CRB1: variants seen among roughly 807,000 people sequenced by gnomAD.
CRB1 encodes crumbs cell polarity complex component 1, also known as protein crumbs homolog 1.
CRB1 carries 83 observed loss-of-function variants against 120.0 expected under a neutral mutation model. That is an observed-to-expected ratio of 0.69 (90% CI 0.58 to 0.83). The LOEUF is 0.83. Among genes scored for constraint, CRB1 ranks in the 40% least tolerant of loss-of-function variants. The pLI is 0.00. For synonymous variants in CRB1, 625 were observed against 612.5 expected, an observed-to-expected ratio of 1.02 and a Z score of -0.30; for missense variants, 1,699 against 1,687.6, an observed-to-expected ratio of 1.01 and a Z score of -0.12.
At chr1:197,418,897 T>C (rs1462296630) in intron 5 of CRB1, among the ~76,000 whole-genome samples, 1 of 152,160 alleles carries the variant, frequency 6.6e-6, no homozygotes, top group African/African-American at 2.4e-5. Context: ...TCATATAAAA[T>C]TACGCAATTT....
intron 1 of CRB1, among the ~76,000 whole-genome samples, chr1:197,268,820 T>A (rs1654746437): frequency 6.6e-6 from 1 of 152,184 alleles, no homozygotes; most frequent in African/African-American, 2.4e-5. Context: ...CCTTACTAAT[T>A]GATATCCTTT....
the CRB1 span, among the ~76,000 whole-genome samples, chr1:197,238,705 A>G: frequency 7.9e-5 from 12 of 152,026 alleles, no homozygotes; most frequent in Non-Finnish European, 1.3e-4. Flanking sequence ...ATTAGCCAGC[A>G]TGGTGGAGCA....
At chr1:197,469,913 C>A (rs564716235) in intron 11 of CRB1, among the ~76,000 whole-genome samples, 3 of 152,094 alleles carry the variant, frequency 2.0e-5, no homozygotes. Flanking sequence ...GAATAATGCT[C>A]GTGTCTGGTT....
intron 1 of CRB1, among the ~76,000 whole-genome samples, chr1:197,299,371 A>G (rs1205127372): frequency 1.3e-5 from 2 of 152,140 alleles, no homozygotes; most frequent in Admixed American, 6.6e-5. Flanking sequence ...ATGTGGAACA[A>G]CAAGTAAGAG....
At chr1:197,268,131 G>A (rs529141348), upstream of CRB1, 7 of 401,572 alleles carry the variant, frequency 1.7e-5, no homozygotes, top group African/African-American at 1.0e-4. Flanking sequence ...AAAACTCGCA[G>A]CAAAGGCTTG....
chr1:197,250,413 T>G, the CRB1 span, among the ~76,000 whole-genome samples: 5 of 152,052 alleles, frequency 3.3e-5, no homozygotes, highest in Non-Finnish European at 7.4e-5. Flanking sequence ...CTTTACTCAT[T>G]TTTAAATATA....
At chr1:197,465,905 G>C (rs1666729897) in intron 11 of CRB1, among the ~76,000 whole-genome samples, 1 of 152,208 alleles carries the variant, frequency 6.6e-6, no homozygotes. Context: ...AATAAGAATA[G>C]AGTAAATGGC....
intron 1 of CRB1, among the ~76,000 whole-genome samples, chr1:197,303,972 A>G (rs1008624143): frequency 6.6e-6 from 1 of 152,148 alleles, no homozygotes; most frequent in Admixed American, 6.6e-5. Context: ...TAGGTGACAG[A>G]GAGAGACGCC....
At chr1:197,304,252 T>C (rs1657040187) in intron 1 of CRB1, 1 of 227,398 alleles carries the variant, frequency 4.4e-6, no homozygotes, top group African/African-American at 2.3e-5. Flanking sequence ...TTTAATAAGA[T>C]TATTGTCTAA....
chr1:197,212,923 G>A, the CRB1 span, among the ~76,000 whole-genome samples: 5 of 152,082 alleles, frequency 3.3e-5, no homozygotes, highest in East Asian at 9.6e-4. Context: ...TCCAGCAAAC[G>A]GGAATGGATA....
At chr1:197,388,407 A>G (rs1369643138) in intron 5 of CRB1, among the ~76,000 whole-genome samples, 2 of 152,196 alleles carry the variant, frequency 1.3e-5, no homozygotes, top group East Asian at 3.9e-4. Context: ...TCACAGCATT[A>G]CAATAAAGCC....
chr1:197,304,430 G>T, intron 1 of CRB1: 2 of 969,662 alleles, frequency 2.1e-6, no homozygotes, highest in Non-Finnish European at 2.5e-6. Flanking sequence ...GTATGTCCTG[G>T]TTCAGGTGTA....
chr1:197,435,217 T>C lies in CRB1; in HGVS notation c.3354T>C (p.Asn1118=). The C allele has an allele frequency of 6.2e-7, 1 of 1,613,924 alleles. No individual in the cohort carries two copies. Among genetic ancestry groups the C allele is most frequent in the Middle Eastern group, 1.7e-4 (1 of 6,058 alleles). Residue 1118 remains asparagine (N), a synonymous_variant, in exon 9 of 12, where the codon AAT becomes AAC. Coordinates refer to ENST00000367400, the MANE Select transcript of CRB1 (RefSeq NM_201253.3). ...TTGAAAATGTTCATGGTTTCATTAA[T>C]AAACCTCAGGAAGAGCAATTTCTCA... ...SYFENVHGFI[N]KPQEEQFLKI...
chr1:197,299,164 A>G (rs1656719487), intron 1 of CRB1, among the ~76,000 whole-genome samples: 1 of 152,124 alleles, frequency 6.6e-6, no homozygotes, highest in African/African-American at 2.4e-5. Context: ...GAAAGTGACA[A>G]TGGACCAATT....
chr1:197,395,816 G>A (rs747036411), intron 5 of CRB1, among the ~76,000 whole-genome samples: 25 of 152,116 alleles, frequency 1.6e-4, no homozygotes, highest in African/African-American at 4.3e-4. Context: ...TGATAAAAAC[G>A]TTCAGCAAAC....
intron 5 of CRB1, chr1:197,363,948 T>A: frequency 7.5e-7 from 1 of 1,333,370 alleles, no homozygotes; most frequent in East Asian, 2.3e-5. Context: ...TTCGGCGGTA[T>A]TATGAGAAGC....
chr1:197,348,516 G>A lies in CRB1; in HGVS notation c.988+1037G>A, dbSNP rs542611095. Among the ~76,000 whole-genome samples, 192 of 151,872 alleles carry A rather than the reference G, an allele frequency of 1.3e-3. 2 individuals carry two copies. The highest frequency in any genetic ancestry group is 3.7e-3 in the African/African-American group (153 of 41,412). ...TTTTGAAACGGAGTCTCTCTCTGTC[G>A]CCCAGGCTGGAATGCAGTGGTGTGA... On this transcript the variant is annotated intron_variant, in intron 4 of 11. Coordinates refer to ENST00000367400, the MANE Select transcript of CRB1 (RefSeq NM_201253.3).
At chr1:197,224,494 T>A in the CRB1 span, among the ~76,000 whole-genome samples, 1 of 152,140 alleles carries the variant, frequency 6.6e-6, no homozygotes, top group East Asian at 1.9e-4. Flanking sequence ...TCCAAGACAC[T>A]AACATAGAAT....
intron 5 of CRB1, among the ~76,000 whole-genome samples, chr1:197,378,845 A>G (rs972533756): frequency 2.6e-5 from 4 of 152,228 alleles, no homozygotes; most frequent in African/African-American, 2.4e-5. Context: ...TGTACACATA[A>G]TATATTTATA....
Sources: gnomAD v4.1 joint callset for allele counts (sites outside exome capture counted in the v4.1 genomes callset) on GRCh38, gnomAD v4.1.1 for gene constraint, MANE v1.5 for transcripts, NCBI Gene and HGNC (gene_info 2026-07-23, HGNC 2026-07-21) for gene names.